Variants in NPNT observed in about 807,000 individuals in gnomAD.
NPNT encodes nephronectin.
A neutral mutation model predicts 68.6 loss-of-function variants in NPNT; 45 were observed. The observed-to-expected ratio is 0.66, with a 90% confidence interval of 0.52 to 0.84. The LOEUF (loss-of-function observed/expected upper bound fraction) is 0.84, where lower values mean the gene tolerates loss of function less well. Ranked by LOEUF, NPNT falls within the 40% of genes least tolerant of loss-of-function variation. NPNT has a pLI of 0.00. For synonymous variants in NPNT, 233 were observed against 253.3 expected (o/e 0.92, Z 0.76); for missense variants, 672 against 714.8 (o/e 0.94, Z 0.68).
chr4:105,933,661 T>TA (rs1729297978), intron 3 of NPNT, among the ~76,000 whole-genome samples: 2 of 152,332 alleles, frequency 1.3e-5, no homozygotes, highest in South Asian at 2.1e-4. Flanking sequence ...AGTTTATTTT[T>TA]AAAAAATCCA....
rs770483945 is a variant in NPNT, at chr4:105,898,084, G to A, written c.172+83G>A. The A allele has an allele frequency of 1.8e-4, 162 of 913,066 alleles. 1 individual carries two copies. Among genetic ancestry groups the A allele is most frequent in the Admixed American group, 2.3e-4 (9 of 39,172 alleles). The allele number at this position is 913,066 out of a possible 1,614,324, so 56.6% of individuals were successfully genotyped here. On this transcript the variant is annotated intron_variant, in intron 2 of 11. Transcript: ENST00000379987. ...CATGGCTTCACCCCACATATCAGAG[G>A]GTTCATTACTGAGCAAGGCTTGGCC...
At chr4:105,933,179 T>TGCTATTTGATTATAAG (rs1729250459) in intron 3 of NPNT, among the ~76,000 whole-genome samples, 1 of 152,190 alleles carries the variant, frequency 6.6e-6, no homozygotes, top group African/African-American at 2.4e-5. Flanking sequence ...AAGTTCTGGT[T>TGCTATTTGATTATAAG]CCAAGAGAGC....
chr4:105,959,006 C>T, intron 9 of NPNT, 22 bp from the exon 10 acceptor site: 1 of 1,488,270 alleles, frequency 6.7e-7, no homozygotes, highest in Non-Finnish European at 9.4e-7. Flanking sequence ...ATCCACTCAT[C>T]TTTCTGATTA....
At chr4:105,955,601 A>C (rs1021533529) in intron 8 of NPNT, among the ~76,000 whole-genome samples, 1 of 152,096 alleles carries the variant, frequency 6.6e-6, no homozygotes, top group African/African-American at 2.4e-5. Context: ...AAGTGAACCA[A>C]TACAAATGAA....
At chr4:105,963,086 G>A (rs140967837) in intron 10 of NPNT, among the ~76,000 whole-genome samples, 2,719 of 152,062 alleles carry the variant, frequency 0.018, 28 homozygotes, top group African/African-American at 0.032. Flanking sequence ...TTAGCCAGGC[G>A]TGGTGGCAGG....
At chr4:105,953,469 T>A (rs1239857026) in intron 8 of NPNT, among the ~76,000 whole-genome samples, 1 of 152,204 alleles carries the variant, frequency 6.6e-6, no homozygotes, top group East Asian at 1.9e-4. Context: ...TTATAATGAA[T>A]AGATGGCTAA....
intron 2 of NPNT, among the ~76,000 whole-genome samples, chr4:105,921,938 T>A (rs1728284921): frequency 6.6e-6 from 1 of 152,232 alleles, no homozygotes; most frequent in Non-Finnish European, 1.5e-5. Context: ...TATCTATTTG[T>A]TCTTCTGCCC....
At chr4:105,929,577 A>G (rs937457751) in intron 3 of NPNT, 9 of 152,348 alleles carry the variant, frequency 5.9e-5, no homozygotes, top group Admixed American at 2.0e-4. Context: ...GTTTGCAGGT[A>G]GCAGTGTTCT....
intron 8 of NPNT, among the ~76,000 whole-genome samples, chr4:105,942,969 T>C (rs1578653354): frequency 6.6e-6 from 1 of 152,258 alleles, no homozygotes; most frequent in East Asian, 1.9e-4. Context: ...TCTGACATAG[T>C]TGGATTTACT....
At chr4:105,916,644 A>G (rs573547425) in intron 2 of NPNT, among the ~76,000 whole-genome samples, 1 of 152,304 alleles carries the variant, frequency 6.6e-6, no homozygotes, top group African/African-American at 2.4e-5. Context: ...TCACAGCAGG[A>G]AGTCTTCTGT....
Position 105,897,942 on chromosome 4 carries a change from A to T in NPNT, c.113A>T (p.Tyr38Phe), listed in dbSNP as rs1446196572. The T allele has an allele frequency of 6.2e-7, 1 of 1,613,638 alleles. No homozygotes were observed. The highest frequency in any genetic ancestry group is 8.5e-7 in the Non-Finnish European group (1 of 1,179,868). Residue 38 changes from tyrosine (Y) to phenylalanine (F), a missense_variant, in exon 2 of 12, where the codon TAT (tyrosine) becomes TTT (phenylalanine). Transcript: ENST00000379987. Reference sequence around the variant, plus strand: ...GTGTCATCGATTGGCCTATGTCGTTATGGTGGGAGGATTGACTGCTGCTGG... The same window carrying T: ...GTGTCATCGATTGGCCTATGTCGTTTTGGTGGGAGGATTGACTGCTGCTGG... Reference protein sequence around the residue: ...QIVSSIGLCRYGGRIDCCWGW... With the variant: ...QIVSSIGLCRFGGRIDCCWGW...
In NPNT at chr4:105,970,841, G is replaced by A. The variant is rs962375273; in HGVS notation, c.*1851G>A. ...AATAATTTGGACAAGGCTTAATTTA[G>A]GCATTTCCCTCTTGACCTCCTAATG... On this transcript the variant is annotated 3_prime_UTR_variant, in exon 12 of 12. Transcript: ENST00000379987. 2 of 311,726 alleles carry A rather than the reference G, an allele frequency of 6.4e-6. No homozygotes were observed. The highest frequency in any genetic ancestry group is 6.3e-6 in the Non-Finnish European group (1 of 159,608). The allele number at this position is 311,726 out of a possible 1,614,324, so 19.3% of individuals were successfully genotyped here.
chr4:105,942,543 CT>C lies in NPNT; in HGVS notation c.1001del (p.Leu334ArgfsTer21), dbSNP rs766293318. The stretch of plus-strand genomic sequence containing the variant: ...TCCTACTCCACCACCACCACCACCC[CT>C]GCCAACAGAGCTCAGAACACCTCTA... ...PIPTPPPPPP[L>X]PTELRTPLPP... On this transcript the variant is annotated frameshift_variant, in exon 8 of 12. Transcript: ENST00000379987. LOFTEE classifies it high-confidence loss of function. 6.2e-7 allele frequency: 1 copy of C among 1,613,966 alleles called. No individual in the cohort carries two copies. The highest frequency in any genetic ancestry group is 2.2e-5 in the East Asian group (1 of 44,844).
rs889377364 is a variant in NPNT, at chr4:105,971,040, A to G, written c.*2050A>G. ...TGTCCTAGTGTGGCGGTGGTTTTCAATGTTTCTTCATGTTAAAGGTATAAG... is the reference window on the plus strand; with the variant it reads ...TGTCCTAGTGTGGCGGTGGTTTTCAGTGTTTCTTCATGTTAAAGGTATAAG... On this transcript the variant is annotated 3_prime_UTR_variant, in exon 12 of 12. Transcript: ENST00000379987. 6.4e-5 allele frequency: 24 copies of G among 372,234 alleles called. No homozygotes were observed. Among genetic ancestry groups the G allele is most frequent in the Middle Eastern group, 4.6e-4 (1 of 2,156 alleles). The allele number at this position is 372,234 out of a possible 1,614,324, so 23.1% of individuals were successfully genotyped here.
chr4:105,968,303 CA>C (rs940288877), intron 11 of NPNT, among the ~76,000 whole-genome samples: 1 of 152,096 alleles, frequency 6.6e-6, no homozygotes, highest in African/African-American at 2.4e-5. Context: ...AGAAATAAAA[CA>C]AGATAATCAT....
At chr4:105,942,893 T>C (rs1215505003) in intron 8 of NPNT, among the ~76,000 whole-genome samples, 191 bp downstream of exon 8, 1 of 152,312 alleles carries the variant, frequency 6.6e-6, no homozygotes, top group East Asian at 1.9e-4. Context: ...AAAGAATGTA[T>C]GTAGCAATGG....
chr4:105,950,971 T>C (rs898614952), intron 8 of NPNT, among the ~76,000 whole-genome samples: 2 of 152,166 alleles, frequency 1.3e-5, no homozygotes, highest in Non-Finnish European at 2.9e-5. Flanking sequence ...TCTCGTTAAA[T>C]TGAAGACTGA....
chr4:105,911,229 G>A (rs569368300), intron 2 of NPNT, among the ~76,000 whole-genome samples: 1 of 151,804 alleles, frequency 6.6e-6, no homozygotes, highest in African/African-American at 2.4e-5. Flanking sequence ...AAAAAGTCTA[G>A]CAAGCAAATG....
chr4:105,940,754 G>T, intron 7 of NPNT, 118 bp downstream of exon 7: 1 of 930,616 alleles, frequency 1.1e-6, no homozygotes. Flanking sequence ...GTCATAATTG[G>T]TTATATTTGT....
Sources: allele counts gnomAD v4.1 joint callset (sites outside exome capture counted in the v4.1 genomes callset), GRCh38; gene constraint gnomAD v4.1.1; transcripts MANE v1.5; gene names NCBI Gene and HGNC (gene_info 2026-07-23, HGNC 2026-07-21).